GCM1: variants seen among roughly 807,000 people sequenced by gnomAD.
GCM1 encodes the protein chorion-specific transcription factor GCMa.
A neutral mutation model predicts 25.7 loss-of-function variants in GCM1; 2 were observed. The ratio of observed to expected loss-of-function variants is 0.08; its 90% CI spans 0.03 to 0.24. The LOEUF (loss-of-function observed/expected upper bound fraction) is 0.24. Ranked by LOEUF, GCM1 falls within the 10% of genes least tolerant of loss-of-function variation. GCM1 has a pLI of 1.00. For synonymous variants in GCM1, 183 were observed against 195.7 expected, an observed-to-expected ratio of 0.94 and a Z score of 0.54; for missense variants, 395 against 538.7, an observed-to-expected ratio of 0.73 and a Z score of 2.64.
Position 53,145,726 on chromosome 6 carries a change from C to A in GCM1, c.-94G>T. ...TCAAAGGTTCTTGATATAGCTGGAT[C>A]GGCCCACTCAAGCACCTTGGACCAG... On this transcript the variant is annotated 5_prime_UTR_variant, in exon 2 of 6. Coordinates refer to ENST00000259803, the MANE Select transcript of GCM1 (RefSeq NM_003643.4). 2.7e-6 allele frequency: 2 copies of A among 743,726 alleles called. No homozygotes were observed. The highest frequency in any genetic ancestry group is 1.6e-5 in the South Asian group (1 of 63,724). The allele number at this position is 743,726 out of a possible 1,614,324, so 46.1% of individuals were successfully genotyped here.
chr6:53,134,091 C>A lies in GCM1; in HGVS notation c.309G>T (p.Lys103Asn). 6.2e-7 allele frequency: 1 copy of A among 1,614,082 alleles called. No homozygotes were observed. Among genetic ancestry groups the A allele is most frequent in the Non-Finnish European group, 8.5e-7 (1 of 1,179,926 alleles). Residue 103 changes from lysine to asparagine, a missense_variant, in exon 3 of 6, where the codon AAG becomes AAT. Transcript: ENST00000259803. ...ACTCACGCTGCTGCTTCTGCCGGGC[C>A]TTGTCACAGATGGCAGGTCTCAGGT... ...KIYLRPAICD[K>N]ARQKQQRKRC...
chr6:53,135,990 A>G (rs1000454942), intron 2 of GCM1, among the ~76,000 whole-genome samples: 2 of 152,222 alleles, frequency 1.3e-5, no homozygotes, highest in African/African-American at 4.8e-5. Context: ...GCCTCACAAA[A>G]GTGCTGTGAA....
rs1763671654 is a variant in GCM1, at chr6:53,128,203, G to T, written c.*3C>A. 6.3e-7 allele frequency: 1 copy of T among 1,599,626 alleles called. No homozygotes were observed. Among genetic ancestry groups the T allele is most frequent in the African/African-American group, 1.3e-5 (1 of 74,922 alleles). ...CTGGGGTGCACATAGTGAAAGATTTGGGTCATCTCAAAGGACACAGGTTCA... is the reference window on the plus strand; with the variant it reads ...CTGGGGTGCACATAGTGAAAGATTTTGGTCATCTCAAAGGACACAGGTTCA... On this transcript the variant is annotated 3_prime_UTR_variant, in exon 6 of 6. Coordinates refer to ENST00000259803, the MANE Select transcript of GCM1 (RefSeq NM_003643.4).
chr6:53,128,028 C>CAA lies in GCM1; in HGVS notation c.*176_*177dup, dbSNP rs1223691364. On this transcript the variant is annotated 3_prime_UTR_variant, in exon 6 of 6. Transcript: ENST00000259803. ...TGGGCAAAAGAGCAAGACTCTGTCT[C>CAA]AAAAAAAAAAAAAAAAAAAAAAAAA... 271 of 66,216 alleles carry CAA rather than the reference C, an allele frequency of 4.1e-3. No homozygotes were observed. Among genetic ancestry groups the CAA allele is most frequent in the South Asian group, 6.3e-3 (29 of 4,578 alleles). The allele number at this position is 66,216 out of a possible 1,614,324, so 4.1% of individuals were successfully genotyped here. A position where few individuals can be genotyped will look rare whatever the true frequency, so the allele number is the denominator to read the frequency against.
intron 5 of GCM1, 56 bp downstream of exon 5, chr6:53,130,747 C>G: frequency 1.3e-6 from 2 of 1,498,636 alleles, no homozygotes; most frequent in Non-Finnish European, 1.8e-6. Flanking sequence ...TCTACCGCCC[C>G]CAGCACAGGC....
chr6:53,143,977 A>T (rs1247396951), intron 2 of GCM1, among the ~76,000 whole-genome samples: 7 of 152,204 alleles, frequency 4.6e-5, no homozygotes, highest in African/African-American at 1.7e-4. Flanking sequence ...CAAATTCCTT[A>T]TTACCCAGAA....
rs1562088552 is a variant in GCM1 at position 53,134,149 on chromosome 6, CG to C, written c.250del (p.Arg84AlafsTer13). The part of the protein sequence containing the change: ...KSCLGVVVCG[R>X]DCLAEEGRKI... ...GCGCCCCTCCTCTGCGAGACAGTCG[CG>C]GCCGCACACCACCACACCCAGGCAG... On this transcript the variant is annotated frameshift_variant, in exon 3 of 6. Coordinates refer to ENST00000259803, the MANE Select transcript of GCM1 (RefSeq NM_003643.4). LOFTEE classifies it high-confidence loss of function. 1 of 1,614,128 alleles carries C rather than the reference CG, an allele frequency of 6.2e-7. No individual in the cohort carries two copies. Among genetic ancestry groups the C allele is most frequent in the East Asian group, 2.2e-5 (1 of 44,878 alleles).
chr6:53,147,838 A>G (rs1328210975), intron 1 of GCM1, among the ~76,000 whole-genome samples: 1 of 152,170 alleles, frequency 6.6e-6, no homozygotes, highest in Non-Finnish European at 1.5e-5. Context: ...ATAAGAATGA[A>G]GTTCCTTTTT....
At chr6:53,142,015 A>G (rs1763880589) in intron 2 of GCM1, among the ~76,000 whole-genome samples, 7 of 122,486 alleles carry the variant, frequency 5.7e-5, no homozygotes, top group Non-Finnish European at 1.2e-4. Flanking sequence ...AAAAAAAAAA[A>G]AAAAAAAAAA....
At chr6:53,142,126 G>A (rs958258246) in intron 2 of GCM1, among the ~76,000 whole-genome samples, 11 of 148,538 alleles carry the variant, frequency 7.4e-5, no homozygotes, top group African/African-American at 2.7e-4. Context: ...AACAGAAAAG[G>A]AATTTTCCTA....
chr6:53,128,028 C>CAAAAAAAAAAA lies in GCM1; in HGVS notation c.*167_*177dup, dbSNP rs1223691364. On this transcript the variant is annotated 3_prime_UTR_variant, in exon 6 of 6. Coordinates refer to ENST00000259803, the MANE Select transcript of GCM1 (RefSeq NM_003643.4). ...TGGGCAAAAGAGCAAGACTCTGTCTCAAAAAAAAAAAAAAAAAAAAAAAAA... is the reference window on the plus strand; with the variant it reads ...TGGGCAAAAGAGCAAGACTCTGTCTCAAAAAAAAAAAAAAAAAAAAAAAAAAAAAAAAAAAA... The CAAAAAAAAAAA allele has an allele frequency of 0.022, 1,416 of 65,146 alleles. 6 individuals are homozygous for CAAAAAAAAAAA. The highest frequency in any genetic ancestry group is 0.024 in the African/African-American group (224 of 9,462). The allele number at this position is 65,146 out of a possible 1,614,324, so 4.0% of individuals were successfully genotyped here.
At chr6:53,144,197 G>T (rs1488589511) in intron 2 of GCM1, among the ~76,000 whole-genome samples, 1 of 152,170 alleles carries the variant, frequency 6.6e-6, no homozygotes, top group Non-Finnish European at 1.5e-5. Flanking sequence ...TGAGACGGAA[G>T]GGTTGTTCGT....
chr6:53,139,201 CA>C (rs1489419607), intron 2 of GCM1, among the ~76,000 whole-genome samples: 3 of 151,432 alleles, frequency 2.0e-5, no homozygotes, highest in Non-Finnish European at 1.5e-5. Context: ...TATAGAGGTA[CA>C]AAAATCAGAT....
intron 2 of GCM1, among the ~76,000 whole-genome samples, chr6:53,142,997 T>C (rs981996170): frequency 6.8e-6 from 1 of 148,086 alleles, no homozygotes; most frequent in Admixed American, 6.9e-5. Flanking sequence ...GCTCACACAA[T>C]ATAAACAATA....
intron 2 of GCM1, among the ~76,000 whole-genome samples, chr6:53,137,582 G>A (rs965566802): frequency 2.0e-5 from 3 of 152,028 alleles, no homozygotes; most frequent in Admixed American, 6.6e-5. Flanking sequence ...GAGTCCAGGA[G>A]TTCAAGACCA....
At chr6:53,129,301 C>T (rs1226237617) in intron 5 of GCM1, among the ~76,000 whole-genome samples, 1 of 148,088 alleles carries the variant, frequency 6.8e-6, no homozygotes, top group Non-Finnish European at 1.5e-5. Flanking sequence ...GATGGAGTCT[C>T]GCTCTGTTGC....
chr6:53,147,334 T>C (rs1763971787), intron 1 of GCM1, among the ~76,000 whole-genome samples: 1 of 151,888 alleles, frequency 6.6e-6, no homozygotes, highest in Non-Finnish European at 1.5e-5. Context: ...TGATGTTATG[T>C]AGAGCTATTT....
At chr6:53,146,033 T>C (rs1324078144) in intron 1 of GCM1, among the ~76,000 whole-genome samples, 1 of 152,064 alleles carries the variant, frequency 6.6e-6, no homozygotes, top group East Asian at 1.9e-4. Context: ...CAGAGACAGT[T>C]GTCATCTGTA....
chr6:53,131,009 T>G (rs568034544), intron 4 of GCM1, 78 bp from the exon 5 acceptor site: 1 of 1,343,342 alleles, frequency 7.4e-7, no homozygotes, highest in East Asian at 2.3e-5. Flanking sequence ...CAGTTTTTAT[T>G]TACTGTGTGT....
Sources: allele counts gnomAD v4.1 joint callset (sites outside exome capture counted in the v4.1 genomes callset), GRCh38; gene constraint gnomAD v4.1.1; transcripts MANE v1.5; gene names NCBI Gene and HGNC (gene_info 2026-07-23, HGNC 2026-07-21).